Variants in SNTG1 observed in about 807,000 individuals in gnomAD.
The protein encoded by SNTG1 is gamma-1-syntrophin.
In SNTG1, 39 loss-of-function variants were observed where a neutral mutation model predicts 74.7. The ratio of observed to expected loss-of-function variants is 0.52; its 90% confidence interval spans 0.40 to 0.68. The LOEUF is 0.68. Ranked by LOEUF, SNTG1 falls within the 30% of genes least tolerant of loss-of-function variation. SNTG1 has a pLI of 0.00. For synonymous variants in SNTG1, 254 were observed against 217.1 expected, an observed-to-expected ratio of 1.17 and a Z score of -1.49; for missense variants, 685 against 609.5, an observed-to-expected ratio of 1.12 and a Z score of -1.30.
intron 2 of SNTG1, among the ~76,000 whole-genome samples, chr8:50,369,403 C>A (rs1017244413): frequency 2.6e-5 from 4 of 152,032 alleles, no homozygotes; most frequent in Non-Finnish European, 5.9e-5. Flanking sequence ...TCGAGACGAG[C>A]CTGACCAACA....
At chr8:50,759,142 T>A (rs2095590044) in intron 18 of SNTG1, among the ~76,000 whole-genome samples, 1 of 152,078 alleles carries the variant, frequency 6.6e-6, no homozygotes, top group African/African-American at 2.4e-5. Context: ...AGTTTGCCAA[T>A]TTTTGATGGG....
At chr8:50,108,572 C>T (rs2080467585) in intron 1 of SNTG1, among the ~76,000 whole-genome samples, 1 of 152,062 alleles carries the variant, frequency 6.6e-6, no homozygotes, top group East Asian at 1.9e-4. Flanking sequence ...GGAAAAACCC[C>T]CACAAAACTT....
chr8:49,953,716 T>C (rs1252265500), intron 1 of SNTG1, among the ~76,000 whole-genome samples: 4 of 152,188 alleles, frequency 2.6e-5, no homozygotes, highest in Non-Finnish European at 5.9e-5. Context: ...TTCATAACCC[T>C]ATTCAGGCAT....
intron 1 of SNTG1, among the ~76,000 whole-genome samples, chr8:50,129,808 T>TTTGTTG (rs201877806): frequency 1.3e-5 from 2 of 152,072 alleles, no homozygotes; most frequent in Non-Finnish European, 2.9e-5. Flanking sequence ...ATTTTATTAT[T>TTTGTTG]TTGTTGTTGT....
chr8:50,037,119 A>G (rs914780397), intron 1 of SNTG1, among the ~76,000 whole-genome samples: 10 of 152,340 alleles, frequency 6.6e-5, no homozygotes, highest in Admixed American at 2.6e-4. Flanking sequence ...ACTGGCTTGC[A>G]CAGTCAGTGA....
Position 49,922,798 on chromosome 8 carries a change from A to G in SNTG1, c.-103+10567A>G, listed in dbSNP as rs1445043659. The stretch of plus-strand genomic sequence containing the variant: ...ATTTTTTCATGTACTGACCATTGCT[A>G]TTTTTATCCTGGTCCTGTTTGTGAA... On this transcript the variant is annotated intron_variant, in intron 1 of 18. Coordinates refer to ENST00000642720, the MANE Select transcript of SNTG1 (RefSeq NM_018967.5). Among the ~76,000 whole-genome samples the G allele has an allele frequency of 2.0e-5, 3 of 152,124 alleles. 1 individual carries two copies. Among genetic ancestry groups the G allele is most frequent in the East Asian group, 3.9e-4 (2 of 5,192 alleles).
chr8:50,526,367 C>T (rs1222337973), intron 9 of SNTG1, among the ~76,000 whole-genome samples: 1 of 152,156 alleles, frequency 6.6e-6, no homozygotes, highest in Admixed American at 6.5e-5. Context: ...CAAGTTATTC[C>T]AGCTTAGTGG....
chr8:50,287,683 G>A (rs1371327291), intron 2 of SNTG1, among the ~76,000 whole-genome samples: 1 of 152,042 alleles, frequency 6.6e-6, no homozygotes, highest in Non-Finnish European at 1.5e-5. Flanking sequence ...TACCACCACT[G>A]GATCCATCTT....
chr8:50,476,242 T>G (rs1346451726), intron 8 of SNTG1, among the ~76,000 whole-genome samples: 1 of 152,220 alleles, frequency 6.6e-6, no homozygotes, highest in African/African-American at 2.4e-5. Flanking sequence ...AATATCTTAC[T>G]GTGCCTAGTA....
At chr8:49,976,449 A>G (rs1230704051) in intron 1 of SNTG1, among the ~76,000 whole-genome samples, 1 of 152,110 alleles carries the variant, frequency 6.6e-6, no homozygotes, top group Non-Finnish European at 1.5e-5. Context: ...ATAGTTCCCT[A>G]GTTTCATGAA....
chr8:50,615,677 T>A (rs1410324405), intron 13 of SNTG1, among the ~76,000 whole-genome samples: 1 of 152,168 alleles, frequency 6.6e-6, no homozygotes, highest in African/African-American at 2.4e-5. Context: ...CACCAGTTAT[T>A]TAACTAGAGA....
chr8:50,721,179 ATT>A lies in SNTG1; in HGVS notation c.1284+12203_1284+12204del, dbSNP rs757039709. Among the ~76,000 whole-genome samples the A allele has an allele frequency of 3.3e-5, 5 of 152,332 alleles. No individual in the cohort carries two copies. In the East Asian group the frequency reaches 9.6e-4, roughly 29 times the overall value. On this transcript the variant is annotated intron_variant, in intron 17 of 18. Coordinates refer to ENST00000642720, the MANE Select transcript of SNTG1 (RefSeq NM_018967.5). ...CTGCATCCAAGGAACACTTGATGTC[ATT>A]TGAAAGTGAATTTATTCATTAACCT... is the stretch of plus-strand genomic sequence containing the variant.
At chr8:50,636,165 A>C (rs2095037975) in intron 13 of SNTG1, among the ~76,000 whole-genome samples, 2 of 151,040 alleles carry the variant, frequency 1.3e-5, no homozygotes, top group African/African-American at 4.9e-5. Context: ...TGCAAGACAA[A>C]GTCCTCTTTA....
At chr8:49,969,387 CTTTTTTT>C (rs575026898) in intron 1 of SNTG1, among the ~76,000 whole-genome samples, 1,604 of 46,992 alleles carry the variant, frequency 0.034, 7 homozygotes, top group Non-Finnish European at 0.064. Context: ...TTCATTTAAT[CTTTTTTT>C]TTTTTTTTTT....
chr8:50,642,854 C>A (rs1345176941), intron 13 of SNTG1, among the ~76,000 whole-genome samples: 3 of 152,038 alleles, frequency 2.0e-5, no homozygotes, highest in Non-Finnish European at 4.4e-5. Flanking sequence ...AAAGTAGAAT[C>A]TAAGTTACAT....
chr8:50,112,260 A>G (rs1411118457), intron 1 of SNTG1, among the ~76,000 whole-genome samples: 2 of 152,122 alleles, frequency 1.3e-5, no homozygotes, highest in Non-Finnish European at 2.9e-5. Context: ...AAGTCATACC[A>G]AAAGAATAAT....
At chr8:50,192,817 G>C (rs547976152) in intron 2 of SNTG1, among the ~76,000 whole-genome samples, 1 of 152,152 alleles carries the variant, frequency 6.6e-6, no homozygotes, top group Admixed American at 6.6e-5. Context: ...ATCTTGAGTT[G>C]ATTTTTGTAT....
At chr8:50,367,105 A>T (rs922580024) in intron 2 of SNTG1, among the ~76,000 whole-genome samples, 1 of 151,828 alleles carries the variant, frequency 6.6e-6, no homozygotes, top group Non-Finnish European at 1.5e-5. Flanking sequence ...AATTGTTCTG[A>T]TGTGAGCATA....
intron 2 of SNTG1, among the ~76,000 whole-genome samples, chr8:50,345,033 T>C (rs1013503192): frequency 6.6e-6 from 1 of 152,146 alleles, no homozygotes; most frequent in Non-Finnish European, 1.5e-5. Context: ...GAGGCCTTGA[T>C]AGAAACCAGA....
Sources: allele counts gnomAD v4.1 joint callset (sites outside exome capture counted in the v4.1 genomes callset), GRCh38; gene constraint gnomAD v4.1.1; transcripts MANE v1.5; gene names NCBI Gene and HGNC (gene_info 2026-07-23, HGNC 2026-07-21).